DNAJB14: variants seen among roughly 807,000 people sequenced by gnomAD.
DNAJB14 encodes dnaJ homolog subfamily B member 14.
A neutral mutation model predicts 48.4 loss-of-function variants in DNAJB14; 22 were observed. That is an observed-to-expected ratio of 0.45 (90% CI 0.32 to 0.65). The LOEUF is 0.65. Ranked by LOEUF, DNAJB14 falls within the 30% of genes least tolerant of loss-of-function variation. The pLI is 0.03. For synonymous variants in DNAJB14, 142 were observed against 158.7 expected (o/e 0.89, Z 0.79); for missense variants, 319 against 458.8 (o/e 0.70, Z 2.78).
intron 1 of DNAJB14, among the ~76,000 whole-genome samples, chr4:99,937,511 G>A (rs867086780): frequency 6.6e-6 from 1 of 151,852 alleles, no homozygotes; most frequent in Middle Eastern, 3.4e-3. Flanking sequence ...GATCACTTGA[G>A]CCCAGGGAGT....
intron 6 of DNAJB14, 113 bp from the exon 7 acceptor site, chr4:99,904,011 C>T: frequency 2.7e-6 from 3 of 1,093,036 alleles, no homozygotes; most frequent in Non-Finnish European, 3.9e-6. Flanking sequence ...ATTGGTAATA[C>T]AGGTTGAGCA....
intron 1 of DNAJB14, among the ~76,000 whole-genome samples, chr4:99,934,328 C>T (rs1726589740): frequency 6.6e-6 from 1 of 151,700 alleles, no homozygotes; most frequent in Non-Finnish European, 1.5e-5. Context: ...AAATCTGATA[C>T]AAAATTATAA....
At chr4:99,934,938 AG>A (rs11366766) in intron 1 of DNAJB14, among the ~76,000 whole-genome samples, 67,424 of 150,822 alleles carry the variant, frequency 0.45, 16,183 homozygotes, top group African/African-American at 0.63. Context: ...TAAATACAAC[AG>A]GATAATGCTT....
intron 3 of DNAJB14, 56 bp from the exon 4 acceptor site, chr4:99,908,952 G>GCC: frequency 7.9e-7 from 1 of 1,270,578 alleles, no homozygotes; most frequent in Non-Finnish European, 1.0e-6. Flanking sequence ...ATAAAAGGCT[G>GCC]CCCCACATAA....
intron 6 of DNAJB14, among the ~76,000 whole-genome samples, chr4:99,904,692 T>C (rs1453031535): frequency 6.6e-6 from 1 of 152,122 alleles, no homozygotes; most frequent in Non-Finnish European, 1.5e-5. Context: ...CCTAAAACCA[T>C]GATTTCATGT....
chr4:99,908,845 T>C lies in DNAJB14; in HGVS notation c.503A>G (p.Tyr168Cys), dbSNP rs1450650249. 1.9e-6 allele frequency: 3 copies of C among 1,602,164 alleles called. No individual in the cohort carries two copies. Among genetic ancestry groups the C allele is most frequent in the Non-Finnish European group, 2.6e-6 (3 of 1,175,182 alleles). Reference protein sequence around the residue: ...VLSNPEKRKQYDLTGNEEQAC... With the variant: ...VLSNPEKRKQCDLTGNEEQAC... The stretch of plus-strand genomic sequence containing the variant: ...TTGTTCTTCATTGCCCGTGAGGTCA[T>C]ACTGTTTTCGCTTTTCTGGATTACT... Residue 168 changes from tyrosine (Y) to cysteine (C), a missense_variant, in exon 4 of 8, where the codon TAT (tyrosine) becomes TGT (cysteine). Tyr to Cys is a radical substitution (Grantham distance 194, BLOSUM62 -2). This residue lies in a region of DNAJB14 where 37 missense variants were observed against 87.8 expected (regional missense o/e 0.42). Transcript: ENST00000442697.
At chr4:99,915,327 T>C (rs1222180349) in intron 3 of DNAJB14, among the ~76,000 whole-genome samples, 4 of 152,186 alleles carry the variant, frequency 2.6e-5, no homozygotes, top group African/African-American at 9.6e-5. Context: ...TTAGTAGAGA[T>C]GGGGTTTCAT....
intron 5 of DNAJB14, chr4:99,906,022 T>C: frequency 7.6e-7 from 1 of 1,314,446 alleles, no homozygotes; most frequent in Non-Finnish European, 9.9e-7. Flanking sequence ...CTGCAGGCTG[T>C]AAAACCATTT....
intron 3 of DNAJB14, among the ~76,000 whole-genome samples, chr4:99,919,567 G>C (rs1274259190): frequency 6.6e-6 from 1 of 151,270 alleles, no homozygotes; most frequent in African/African-American, 2.5e-5. Context: ...CTGGGTGACA[G>C]AGCAAGACTC....
At chr4:99,903,615 C>G (rs1219628165) in intron 7 of DNAJB14, 111 bp downstream of exon 7, 2 of 1,170,626 alleles carry the variant, frequency 1.7e-6, no homozygotes, top group Non-Finnish European at 2.4e-6. Flanking sequence ...GTACTGTGCT[C>G]CAATTATGTG....
intron 1 of DNAJB14, among the ~76,000 whole-genome samples, chr4:99,943,776 TGA>T (rs1560751715): frequency 4.9e-4 from 74 of 152,212 alleles, no homozygotes; most frequent in African/African-American, 1.7e-3. Flanking sequence ...AATGACTAAA[TGA>T]AATCATATTC....
At chr4:99,927,230 T>G (rs1030962746) in intron 2 of DNAJB14, 1 of 152,178 alleles carries the variant, frequency 6.6e-6, no homozygotes, top group Non-Finnish European at 1.5e-5. Flanking sequence ...AGACTTTATA[T>G]CTTCTCTTAT....
intron 5 of DNAJB14, chr4:99,906,237 C>A: frequency 7.6e-7 from 1 of 1,319,660 alleles, no homozygotes; most frequent in Non-Finnish European, 9.9e-7. Context: ...TTCTTCAGGG[C>A]CAACAATAAC....
chr4:99,946,389 C>T (rs952324422), intron 1 of DNAJB14, 50 bp downstream of exon 1: 15 of 1,567,406 alleles, frequency 9.6e-6, no homozygotes, highest in Admixed American at 5.7e-5. Flanking sequence ...GGGCGGGCTA[C>T]GCGGTGGTCT....
intron 2 of DNAJB14, chr4:99,924,777 TC>T: frequency 6.2e-6 from 10 of 1,610,494 alleles, no homozygotes; most frequent in Non-Finnish European, 8.5e-6. Flanking sequence ...TAGGTACAGG[TC>T]CACCATCCCA....
chr4:99,946,435 T>TA lies in DNAJB14; in HGVS notation c.133+3_133+4insT. ...CAGGAAGAGAAGGGACGCTGAGGTC[T>TA]CACCGCGGGCCGAGGGCAGTGGGTA... is the stretch of plus-strand genomic sequence containing the variant. On this transcript the variant is annotated splice_donor_region_variant and intron_variant, in intron 1 of 7. Coordinates refer to ENST00000442697, the MANE Select transcript of DNAJB14 (RefSeq NM_001031723.4). 6.2e-7 allele frequency: 1 copy of TA among 1,610,050 alleles called. No individual in the cohort carries two copies. The highest frequency in any genetic ancestry group is 8.5e-7 in the Non-Finnish European group (1 of 1,178,254).
chr4:99,910,730 C>T (rs564250008), intron 3 of DNAJB14, among the ~76,000 whole-genome samples: 1 of 151,800 alleles, frequency 6.6e-6, no homozygotes, highest in Non-Finnish European at 1.5e-5. Context: ...TTTTGCAGTT[C>T]CTTATTATCT....
intron 2 of DNAJB14, chr4:99,923,556 C>T: frequency 1.8e-6 from 1 of 556,162 alleles, no homozygotes; most frequent in Non-Finnish European, 2.3e-6. Flanking sequence ...AATTCCAAAA[C>T]TCCTCAAAAG....
chr4:99,907,631 T>C (rs957055883), intron 4 of DNAJB14, among the ~76,000 whole-genome samples: 1 of 152,034 alleles, frequency 6.6e-6, no homozygotes, highest in Non-Finnish European at 1.5e-5. Flanking sequence ...TGAGCTATGA[T>C]TGCCCCAGTG....
Sources: gnomAD v4.1 joint callset for allele counts (sites outside exome capture counted in the v4.1 genomes callset) on GRCh38, gnomAD v4.1.1 for gene constraint, gnomAD v4.1.1 regional missense constraint, MANE v1.5 for transcripts, NCBI Gene and HGNC (gene_info 2026-07-23, HGNC 2026-07-21) for gene names.